SUGCT: variants seen among roughly 807,000 people sequenced by gnomAD.
The protein encoded by SUGCT is succinyl-CoA:glutarate-CoA transferase, also known as succinyl-CoA:glutarate CoA-transferase.
SUGCT carries 41 observed loss-of-function variants against 55.0 expected under a neutral mutation model. That is an observed-to-expected ratio of 0.74 (90% CI 0.58 to 0.97). The LOEUF (loss-of-function observed/expected upper bound fraction) is 0.97. Ranked by LOEUF, SUGCT falls within the 50% of genes least tolerant of loss-of-function variation. The pLI, the probability that SUGCT is intolerant of heterozygous loss-of-function variation, is 0.00. For missense variants in SUGCT, 568 were observed against 547.8 expected (o/e 1.04, Z -0.37); for synonymous variants, 187 against 200.4 (o/e 0.93, Z 0.56).
intron 9 of SUGCT, among the ~76,000 whole-genome samples, chr7:40,420,788 A>G (rs912643096): frequency 1.3e-5 from 2 of 152,006 alleles, no homozygotes; most frequent in African/African-American, 4.8e-5. Flanking sequence ...GCTGTACCCC[A>G]GGATACACAC....
intron 13 of SUGCT, among the ~76,000 whole-genome samples, chr7:40,823,508 C>T (rs1226484184): frequency 2.6e-5 from 4 of 152,062 alleles, no homozygotes; most frequent in Non-Finnish European, 4.4e-5. Flanking sequence ...CACATGTGTA[C>T]TCAGCAAATG....
chr7:40,539,306 T>C (rs1429778289), intron 12 of SUGCT: 1 of 152,144 alleles, frequency 6.6e-6, no homozygotes, highest in Non-Finnish European at 1.5e-5. Flanking sequence ...GATTGTACTT[T>C]TTATTCATAG....
intron 12 of SUGCT, among the ~76,000 whole-genome samples, chr7:40,667,542 G>A (rs1801709630): frequency 6.6e-6 from 1 of 150,710 alleles, no homozygotes; most frequent in Admixed American, 6.6e-5. Context: ...TGTATGTCTG[G>A]TAGAATTCGA....
At chr7:40,350,136 C>CT (rs1349557214) in intron 9 of SUGCT, among the ~76,000 whole-genome samples, 1 of 151,704 alleles carries the variant, frequency 6.6e-6, no homozygotes, top group Non-Finnish European at 1.5e-5. Context: ...TAATATTGTT[C>CT]TTTTTAAAAT....
intron 10 of SUGCT, among the ~76,000 whole-genome samples, chr7:40,454,624 A>G (rs1789375453): frequency 6.6e-6 from 1 of 151,520 alleles, no homozygotes; most frequent in Non-Finnish European, 1.5e-5. Context: ...GGGGGAAAAA[A>G]TGTATTATCC....
At chr7:40,477,223 T>C (rs1477742863) in intron 11 of SUGCT, among the ~76,000 whole-genome samples, 1 of 152,126 alleles carries the variant, frequency 6.6e-6, no homozygotes, top group Non-Finnish European at 1.5e-5. Flanking sequence ...ATTATTTGAG[T>C]GATAGTTCTG....
intron 6 of SUGCT, among the ~76,000 whole-genome samples, chr7:40,203,736 T>C (rs977617678): frequency 2.7e-5 from 4 of 150,804 alleles, no homozygotes; most frequent in African/African-American, 7.3e-5. Flanking sequence ...GATCGCACCA[T>C]TGCACTCCAG....
chr7:40,351,831 T>C (rs1245348940), intron 9 of SUGCT, among the ~76,000 whole-genome samples: 1 of 152,238 alleles, frequency 6.6e-6, no homozygotes, highest in East Asian at 1.9e-4. Flanking sequence ...TGTGGATTAT[T>C]GTTGAAGAAA....
intron 12 of SUGCT, among the ~76,000 whole-genome samples, chr7:40,523,069 G>A (rs1177244880): frequency 6.6e-6 from 1 of 152,052 alleles, no homozygotes; most frequent in Non-Finnish European, 1.5e-5. Context: ...TTACGATAGT[G>A]TCAATGGAAT....
At chr7:40,869,009 T>A in the SUGCT span, among the ~76,000 whole-genome samples, 1 of 152,194 alleles carries the variant, frequency 6.6e-6, no homozygotes, top group African/African-American at 2.4e-5. Context: ...AACTGGAAAA[T>A]TAGCATTGAT....
intron 12 of SUGCT, among the ~76,000 whole-genome samples, chr7:40,736,106 GA>G (rs1421227199): frequency 1.3e-5 from 2 of 150,644 alleles, no homozygotes; most frequent in Non-Finnish European, 3.0e-5. Flanking sequence ...ACACACATAG[GA>G]AATACAAGAG....
intron 9 of SUGCT, among the ~76,000 whole-genome samples, chr7:40,332,386 T>C (rs1313458356): frequency 6.6e-6 from 1 of 151,998 alleles, no homozygotes; most frequent in East Asian, 1.9e-4. Context: ...ATTAAGAGCA[T>C]TATGTATCTT....
At chr7:40,176,312 A>C (rs1434398646) in intron 1 of SUGCT, among the ~76,000 whole-genome samples, 1 of 152,158 alleles carries the variant, frequency 6.6e-6, no homozygotes, top group Non-Finnish European at 1.5e-5. Context: ...TGCTGCTGCC[A>C]TGTGTACAAT....
At chr7:40,142,567 C>T (rs1435780426) in intron 1 of SUGCT, among the ~76,000 whole-genome samples, 3 of 152,186 alleles carry the variant, frequency 2.0e-5, no homozygotes, top group Non-Finnish European at 2.9e-5. Context: ...CCCATTATGG[C>T]TGCGAGGGAA....
intron 11 of SUGCT, among the ~76,000 whole-genome samples, chr7:40,477,489 G>A (rs907981727): frequency 1.3e-4 from 20 of 152,130 alleles, no homozygotes; most frequent in Non-Finnish European, 2.8e-4. Flanking sequence ...GAATGACATT[G>A]TCGGCAAAAT....
chr7:40,149,560 A>G (rs1418153094), intron 1 of SUGCT, among the ~76,000 whole-genome samples: 1 of 152,158 alleles, frequency 6.6e-6, no homozygotes, highest in Non-Finnish European at 1.5e-5. Flanking sequence ...AGGCAAGTGG[A>G]TCAATTGAGG....
intron 12 of SUGCT, among the ~76,000 whole-genome samples, chr7:40,742,815 T>G (rs983676360): frequency 3.3e-5 from 5 of 152,236 alleles, no homozygotes; most frequent in Non-Finnish European, 7.3e-5. Flanking sequence ...CACTGTAAGT[T>G]TTGCCTTCAG....
chr7:40,219,015 T>A (rs770155069), intron 6 of SUGCT, among the ~76,000 whole-genome samples: 2 of 152,172 alleles, frequency 1.3e-5, no homozygotes, highest in Non-Finnish European at 2.9e-5. Flanking sequence ...ACTCTTTGGG[T>A]CCGCACTACC....
chr7:40,379,018 ATG>A (rs1319683780), intron 9 of SUGCT, among the ~76,000 whole-genome samples: 2 of 152,146 alleles, frequency 1.3e-5, no homozygotes, highest in Non-Finnish European at 1.5e-5. Flanking sequence ...CGGGCCCTGA[ATG>A]TAATTACATA....
Sources: gnomAD v4.1 joint callset for allele counts (sites outside exome capture counted in the v4.1 genomes callset) on GRCh38, gnomAD v4.1.1 for gene constraint, MANE v1.5 for transcripts, NCBI Gene and HGNC (gene_info 2026-07-23, HGNC 2026-07-21) for gene names.